The following DOCK3 variants were observed in gnomAD, a reference collection of about 807,000 sequenced individuals.
The protein encoded by DOCK3 is dedicator of cytokinesis protein 3.
DOCK3 carries 60 observed loss-of-function variants against 265.6 expected under a neutral mutation model. The ratio of observed to expected loss-of-function variants is 0.23; its 90% CI spans 0.18 to 0.28. DOCK3 has a LOEUF of 0.28. Ranked by LOEUF, DOCK3 falls within the 10% of genes least tolerant of loss-of-function variation. The probability of loss-of-function intolerance (pLI) is 1.00; values close to 1 mark genes in which losing one functional copy is unlikely to be tolerated. For missense variants in DOCK3, 1,981 were observed against 2,594.3 expected, an observed-to-expected ratio of 0.76 and a Z score of 5.14; for synonymous variants, 881 against 938.0, an observed-to-expected ratio of 0.94 and a Z score of 1.11.
intron 12 of DOCK3, among the ~76,000 whole-genome samples, chr3:51,167,199 C>T (rs1011015565): frequency 3.9e-5 from 6 of 152,190 alleles, no homozygotes; most frequent in African/African-American, 9.7e-5. Context: ...CCCAGCATCA[C>T]TTATTGAAAA....
chr3:50,684,802 A>G (rs1389201166), intron 1 of DOCK3, among the ~76,000 whole-genome samples: 1 of 152,250 alleles, frequency 6.6e-6, no homozygotes, highest in Non-Finnish European at 1.5e-5. Flanking sequence ...AATTTTTTCT[A>G]AAATATGACT....
At chr3:51,298,222 A>G (rs2082203878) in intron 27 of DOCK3, among the ~76,000 whole-genome samples, 1 of 152,110 alleles carries the variant, frequency 6.6e-6, no homozygotes, top group African/African-American at 2.4e-5. Context: ...TAGGTTATAT[A>G]ATTTGTTGGC....
intron 5 of DOCK3, among the ~76,000 whole-genome samples, chr3:51,057,311 A>G (rs932824300): frequency 2.0e-5 from 3 of 152,204 alleles, no homozygotes; most frequent in Non-Finnish European, 2.9e-5. Context: ...TCTTCAGTGT[A>G]CTTTCCAAAT....
At chr3:51,301,246 A>G (rs1024395078) in intron 27 of DOCK3, among the ~76,000 whole-genome samples, 2 of 152,050 alleles carry the variant, frequency 1.3e-5, no homozygotes, top group African/African-American at 2.4e-5. Flanking sequence ...ATCAGTGGTG[A>G]TATCCCCTTT....
At chr3:51,348,798 C>T in intron 38 of DOCK3, 54 bp from the exon 39 acceptor site, 1 of 1,517,198 alleles carries the variant, frequency 6.6e-7, no homozygotes. Flanking sequence ...TTAATGTGGG[C>T]TTAGGCTATT....
chr3:50,681,587 A>G (rs1476361307), intron 1 of DOCK3, among the ~76,000 whole-genome samples: 2 of 152,154 alleles, frequency 1.3e-5, no homozygotes, highest in African/African-American at 4.8e-5. Context: ...GGCTCTTAAA[A>G]CCTTAAATTT....
intron 2 of DOCK3, among the ~76,000 whole-genome samples, chr3:50,823,620 C>T (rs1174097473): frequency 6.6e-6 from 1 of 152,084 alleles, no homozygotes; most frequent in South Asian, 2.1e-4. Flanking sequence ...CCACCTTTCC[C>T]CCCTTGCTAT....
chr3:50,763,434 C>G (rs930059412), intron 1 of DOCK3, among the ~76,000 whole-genome samples: 2 of 152,050 alleles, frequency 1.3e-5, no homozygotes, highest in African/African-American at 4.8e-5. Flanking sequence ...AGGTGCGCAC[C>G]ACCACACCTG....
chr3:51,017,101 C>G (rs564128818), intron 5 of DOCK3, among the ~76,000 whole-genome samples: 1 of 148,772 alleles, frequency 6.7e-6, no homozygotes, highest in Non-Finnish European at 1.5e-5. Context: ...ATGGTTCAAT[C>G]TTTGTAGGTT....
intron 3 of DOCK3, among the ~76,000 whole-genome samples, chr3:50,849,035 CT>C (rs908936849): frequency 2.0e-5 from 3 of 151,408 alleles, no homozygotes; most frequent in Admixed American, 6.6e-5. Context: ...GCTCAAAAAA[CT>C]TTTTTTTTCT....
At chr3:51,034,186 A>G (rs1348692423) in intron 5 of DOCK3, among the ~76,000 whole-genome samples, 2 of 152,124 alleles carry the variant, frequency 1.3e-5, no homozygotes, top group Non-Finnish European at 2.9e-5. Flanking sequence ...TTGAAAGTAC[A>G]TCTCTTATAG....
At chr3:51,271,144 A>G in intron 24 of DOCK3, 137 bp downstream of exon 24, 1 of 1,029,214 alleles carries the variant, frequency 9.7e-7, no homozygotes, top group Non-Finnish European at 1.4e-6. Context: ...TAAGATACAG[A>G]ATTTTTTGAT....
At chr3:50,953,639 T>G (rs1272374421) in intron 5 of DOCK3, among the ~76,000 whole-genome samples, 1 of 152,132 alleles carries the variant, frequency 6.6e-6, no homozygotes, top group Non-Finnish European at 1.5e-5. Context: ...CATAGATAGG[T>G]TCTTCCTAGG....
intron 21 of DOCK3, 135 bp from the exon 22 acceptor site, chr3:51,246,591 G>A (rs2078853700): frequency 1.3e-6 from 1 of 771,560 alleles, no homozygotes; most frequent in Non-Finnish European, 2.2e-6. Context: ...GTCCAAAGCT[G>A]TAATGGATCT....
intron 3 of DOCK3, among the ~76,000 whole-genome samples, chr3:50,870,295 A>G (rs993307061): frequency 6.6e-6 from 1 of 152,148 alleles, no homozygotes; most frequent in African/African-American, 2.4e-5. Flanking sequence ...TGTGTTCTCC[A>G]GTGTTGGTTG....
chr3:50,700,314 T>C (rs1473049421), intron 1 of DOCK3, among the ~76,000 whole-genome samples: 2 of 152,226 alleles, frequency 1.3e-5, no homozygotes, highest in Non-Finnish European at 2.9e-5. Context: ...TTCTAGCTTT[T>C]CTGAAATATA....
chr3:51,018,351 A>G lies in DOCK3; in HGVS notation c.316-46097A>G, dbSNP rs184732196. ...GGTGGCTCATGCCTGTAATCCCAGCACTTTGAGAAGCCCAGGCAGGTGGAT... is the reference window on the plus strand; with the variant it reads ...GGTGGCTCATGCCTGTAATCCCAGCGCTTTGAGAAGCCCAGGCAGGTGGAT... On this transcript the variant is annotated intron_variant, in intron 5 of 52. Coordinates refer to ENST00000266037, the MANE Select transcript of DOCK3 (RefSeq NM_004947.5). Among the ~76,000 whole-genome samples the G allele has an allele frequency of 7.9e-3, 1,193 of 151,480 alleles. 33 individuals carry two copies. Among genetic ancestry groups the G allele is most frequent in the African/African-American group, 0.028 (1,131 of 41,068 alleles).
chr3:51,231,162 C>T (rs1165903727), intron 19 of DOCK3, among the ~76,000 whole-genome samples: 21 of 130,392 alleles, frequency 1.6e-4, no homozygotes, highest in Non-Finnish European at 3.0e-4. Flanking sequence ...GGAGTCTTGC[C>T]CTGTTGCTCA....
intron 12 of DOCK3, among the ~76,000 whole-genome samples, chr3:51,176,340 G>C (rs531136690): frequency 3.5e-4 from 54 of 152,210 alleles, no homozygotes; most frequent in African/African-American, 1.2e-3. Context: ...TTGCTGGCCA[G>C]GCGTGGTGGC....
Sources: gnomAD v4.1 joint callset for allele counts (sites outside exome capture counted in the v4.1 genomes callset) on GRCh38, gnomAD v4.1.1 for gene constraint, MANE v1.5 for transcripts, NCBI Gene and HGNC (gene_info 2026-07-23, HGNC 2026-07-21) for gene names.